Variants in LRRC37A2 observed in about 807,000 individuals in gnomAD.
LRRC37A2 encodes the protein leucine-rich repeat-containing protein 37A2.
Under a neutral mutation model 68.8 loss-of-function variants are expected in LRRC37A2, and 9 were observed. The ratio of observed to expected loss-of-function variants is 0.13; its 90% CI spans 0.08 to 0.23. The LOEUF is 0.23. Ranked by LOEUF, LRRC37A2 falls within the 10% of genes least tolerant of loss-of-function variation. LRRC37A2 has a pLI of 1.00. For missense variants in LRRC37A2, 168 were observed against 950.4 expected (o/e 0.18, Z 10.82); for synonymous variants, 63 against 367.6 (o/e 0.17, Z 9.48).
the LRRC37A2 span, among the ~76,000 whole-genome samples, chr17:46,709,790 C>T: frequency 1.3e-5 from 2 of 152,150 alleles, no homozygotes; most frequent in Non-Finnish European, 2.9e-5. Context: ...TCACTGCGCC[C>T]GGCCATGAAA....
the LRRC37A2 span, chr17:46,726,665 T>A: frequency 6.8e-7 from 1 of 1,475,722 alleles, no homozygotes; most frequent in African/African-American, 1.4e-5. Flanking sequence ...TTACAGCTAA[T>A]ATCTCAAAAG....
At chr17:47,018,734 C>A in the LRRC37A2 span, 4 of 1,520,710 alleles carry the variant, frequency 2.6e-6, no homozygotes, top group Non-Finnish European at 9.1e-7. Flanking sequence ...CTTCCCTAAC[C>A]CATCAGGAGG....
the LRRC37A2 span, chr17:46,941,011 G>A: frequency 1.2e-5 from 14 of 1,120,866 alleles, no homozygotes; most frequent in Non-Finnish European, 1.3e-5. Flanking sequence ...CTCTAGTGGA[G>A]GCGGGGGTGA....
the LRRC37A2 span, chr17:46,931,155 C>T: frequency 1.2e-6 from 2 of 1,611,956 alleles, no homozygotes; most frequent in Non-Finnish European, 8.5e-7. Context: ...TCTAGAACGT[C>T]TGGAGATTTT....
the LRRC37A2 span, among the ~76,000 whole-genome samples, chr17:46,811,647 G>C: frequency 6.6e-6 from 1 of 152,128 alleles, no homozygotes; most frequent in Admixed American, 6.5e-5. Context: ...GCGTGGAGTT[G>C]CCTCTCAGAA....
the LRRC37A2 span, among the ~76,000 whole-genome samples, chr17:46,392,411 CTCTCTCTCTCTTTCTT>C: frequency 2.4e-5 from 1 of 41,886 alleles, no homozygotes; most frequent in Non-Finnish European, 6.3e-5. Context: ...TTCTTTCTTT[CTCTCTCTCTCTTTCTT>C]TCTCTCTTTC....
chr17:46,859,468 C>T, the LRRC37A2 span, among the ~76,000 whole-genome samples: 1 of 152,176 alleles, frequency 6.6e-6, no homozygotes, highest in Non-Finnish European at 1.5e-5. Flanking sequence ...GGGCCTATTT[C>T]TGGACACTCT....
chr17:46,928,021 C>G, the LRRC37A2 span, among the ~76,000 whole-genome samples: 4 of 152,140 alleles, frequency 2.6e-5, no homozygotes, highest in Non-Finnish European at 4.4e-5. Context: ...CTTGGTTGCC[C>G]TGCTTCAGGT....
the LRRC37A2 span, among the ~76,000 whole-genome samples, chr17:46,927,108 A>G: frequency 6.6e-6 from 1 of 152,306 alleles, no homozygotes; most frequent in African/African-American, 2.4e-5. Context: ...GGGCTGAAGA[A>G]ATGTGATCTC....
chr17:46,501,459 G>A, the LRRC37A2 span, among the ~76,000 whole-genome samples: 1 of 151,234 alleles, frequency 6.6e-6, no homozygotes, highest in African/African-American at 2.5e-5. Context: ...ACAGGTGTGG[G>A]CCACCACGCC....
the LRRC37A2 span, among the ~76,000 whole-genome samples, chr17:46,723,298 CT>C: frequency 6.6e-6 from 1 of 152,152 alleles, no homozygotes; most frequent in East Asian, 1.9e-4. Context: ...GGCATCAGAG[CT>C]TTTAGTAGAA....
intron 6 of LRRC37A2, among the ~76,000 whole-genome samples, chr17:46,535,014 G>A (rs1448159978): frequency 6.7e-5 from 10 of 149,786 alleles, no homozygotes; most frequent in South Asian, 4.2e-4. Context: ...ACAGGGTCGC[G>A]GCCGGGCAGA....
chr17:46,799,446 C>T, the LRRC37A2 span, among the ~76,000 whole-genome samples: 1 of 121,542 alleles, frequency 8.2e-6, no homozygotes, highest in Non-Finnish European at 1.7e-5. Flanking sequence ...ATTATTTCTA[C>T]TTTTTTTTTT....
At chr17:46,850,845 G>A in the LRRC37A2 span, among the ~76,000 whole-genome samples, 4 of 151,614 alleles carry the variant, frequency 2.6e-5, no homozygotes, top group African/African-American at 9.7e-5. Flanking sequence ...CCCTCCTCCC[G>A]CAGGGCTCTG....
the LRRC37A2 span, among the ~76,000 whole-genome samples, chr17:47,037,659 C>T: frequency 6.6e-6 from 1 of 152,168 alleles, no homozygotes; most frequent in African/African-American, 2.4e-5. Context: ...ATGTTCTCTC[C>T]TCATCTGTAT....
chr17:46,999,737 G>C, the LRRC37A2 span, among the ~76,000 whole-genome samples: 2 of 151,794 alleles, frequency 1.3e-5, no homozygotes, highest in East Asian at 2.0e-4. Context: ...TATAGCTCAC[G>C]CCTATAATCC....
the LRRC37A2 span, among the ~76,000 whole-genome samples, chr17:46,873,086 TCACA>T: frequency 0.18 from 25,467 of 139,598 alleles, 2,613 homozygotes; most frequent in Middle Eastern, 0.29. Flanking sequence ...CTCTGCCTCT[TCACA>T]CACACACACA....
At chr17:46,978,453 C>G in the LRRC37A2 span, 4 of 593,306 alleles carry the variant, frequency 6.7e-6, no homozygotes, top group African/African-American at 2.0e-5. Flanking sequence ...CTGCAGCGCA[C>G]ACAGGACAGA....
chr17:46,588,577 AT>A, the LRRC37A2 span, among the ~76,000 whole-genome samples: 2 of 107,792 alleles, frequency 1.9e-5, 1 homozygote, highest in African/African-American at 8.5e-5. Context: ...TGTTTGCATT[AT>A]TTTCCAACCT....
Sources: gnomAD v4.1 joint callset for allele counts (sites outside exome capture counted in the v4.1 genomes callset) on GRCh38, gnomAD v4.1.1 for gene constraint, MANE v1.5 for transcripts, NCBI Gene and HGNC (gene_info 2026-07-23, HGNC 2026-07-21) for gene names.